Variants in VIPAS39 observed in about 807,000 individuals in gnomAD.
VIPAS39 encodes VPS33B interacting protein, apical-basolateral polarity regulator, spe-39 homolog, also known as spermatogenesis-defective protein 39 homolog.
Under a neutral mutation model 84.7 loss-of-function variants are expected in VIPAS39, and 63 were observed. That is an observed-to-expected ratio of 0.74 (90% confidence interval 0.61 to 0.92). The LOEUF is 0.92. Among genes scored for constraint, VIPAS39 ranks in the 40% least tolerant of loss-of-function variants. The probability of loss-of-function intolerance (pLI) is 0.00; values close to 1 mark genes in which losing one functional copy is unlikely to be tolerated. For missense variants in VIPAS39, 499 were observed against 604.5 expected (o/e 0.83, Z 1.83); for synonymous variants, 192 against 216.5 (o/e 0.89, Z 0.99).
At chr14:77,443,619 G>A (rs2078737135) in intron 8 of VIPAS39, among the ~76,000 whole-genome samples, 1 of 152,106 alleles carries the variant, frequency 6.6e-6, no homozygotes, top group African/African-American at 2.4e-5. Flanking sequence ...GCAAGGCCAA[G>A]CGTGGTAGCT....
In VIPAS39 at chr14:77,451,269, CTGT is replaced by C; in HGVS notation, c.258_260del (p.Gln87del). On this transcript the variant is annotated inframe_deletion, in exon 4 of 20. Coordinates refer to ENST00000557658, the MANE Select transcript of VIPAS39 (RefSeq NM_001193315.2). ...AGGAGAAGCTGTTTCGGCTCTTTAG[CTGT>C]TCACGCCCCTCGTGGGTTGAGCCGC... 2 of 1,614,218 alleles carry C rather than the reference CTGT, an allele frequency of 1.2e-6. No homozygotes were observed. Among genetic ancestry groups the C allele is most frequent in the Non-Finnish European group, 1.7e-6 (2 of 1,180,034 alleles).
chr14:77,454,142 C>G, intron 1 of VIPAS39, 40 bp from the exon 2 acceptor site: 3 of 1,591,984 alleles, frequency 1.9e-6, no homozygotes, highest in Non-Finnish European at 2.6e-6. Flanking sequence ...CTTTCTGGGT[C>G]TCTCCCTAAA....
In VIPAS39 at chr14:77,449,596, AG is replaced by A. The variant is rs2078850600; in HGVS notation, c.382+117del. On this transcript the variant is annotated intron_variant, in intron 5 of 19. Transcript: ENST00000557658. ...ATCAGAAAATTCCTCTAATAATGAC[AG>A]TAGATGCAGAAGAAAGTTCATCTTG... The A allele has an allele frequency of 2.1e-5, 30 of 1,400,564 alleles. No homozygotes were observed. In the South Asian group the frequency reaches 3.5e-4, roughly 16 times the overall value. The allele number at this position is 1,400,564 out of a possible 1,614,324, so 86.8% of individuals were successfully genotyped here.
At chr14:77,433,348 A>G (rs2078553680) in intron 16 of VIPAS39, among the ~76,000 whole-genome samples, 1 of 152,156 alleles carries the variant, frequency 6.6e-6, no homozygotes, top group East Asian at 1.9e-4. Context: ...TTACAGGTGC[A>G]CACCACCACA....
intron 4 of VIPAS39, 85 bp from the exon 5 acceptor site, chr14:77,449,837 A>G (rs1438035421): frequency 9.7e-6 from 14 of 1,439,392 alleles, no homozygotes; most frequent in Non-Finnish European, 1.4e-5. Flanking sequence ...ATGTGTAACC[A>G]ACTCAATAAC....
At chr14:77,443,005 T>C (rs2078726834) in intron 9 of VIPAS39, 114 bp downstream of exon 9, 2 of 1,439,986 alleles carry the variant, frequency 1.4e-6, no homozygotes, top group Non-Finnish European at 9.7e-7. Context: ...GCCACCCCAC[T>C]TGTCTCTGAA....
intron 10 of VIPAS39, among the ~76,000 whole-genome samples, chr14:77,442,210 C>G (rs1465561920): frequency 6.6e-6 from 1 of 152,126 alleles, no homozygotes; most frequent in Non-Finnish European, 1.5e-5. Flanking sequence ...ACATACTAGC[C>G]CTTCATCTTC....
At chr14:77,433,732 T>C in intron 16 of VIPAS39, 110 bp downstream of exon 16, 4 of 1,114,688 alleles carry the variant, frequency 3.6e-6, no homozygotes, top group African/African-American at 1.6e-5. Flanking sequence ...GTTTGAAATT[T>C]TGGAAAATAA....
In VIPAS39 at chr14:77,457,557, C is replaced by T. The variant is rs2078982329; in HGVS notation, c.-63G>A. The T allele has an allele frequency of 4.7e-6, 3 of 643,296 alleles. No homozygotes were observed. Among genetic ancestry groups the T allele is most frequent in the Non-Finnish European group, 8.0e-6 (3 of 373,892 alleles). 39.8% of individuals were successfully genotyped at this position (643,296 alleles called of 1,614,324 possible). A position where few individuals can be genotyped will look rare whatever the true frequency, so the allele number is the denominator to read the frequency against. On this transcript the variant is annotated 5_prime_UTR_variant, in exon 1 of 20. Transcript: ENST00000557658. ...AGCCTCCGCCGCCGCTGGACCAGCC[C>T]TTCTATTCAGGCTGTGCAGCTTAGA...
intron 14 of VIPAS39, chr14:77,435,039 T>G (rs2078585223): frequency 3.3e-6 from 2 of 612,794 alleles, no homozygotes; most frequent in African/African-American, 1.9e-5. Flanking sequence ...CTTGCTATGC[T>G]AGCATGCCAG....
Position 77,437,887 on chromosome 14 carries a change from A to G in VIPAS39, c.763-6T>C. The stretch of plus-strand genomic sequence containing the variant: ...TGCTCTCGATAATGAGATAGCTACA[A>G]AAAGCAGAAAAAGGCTTTGAGGTAT... On this transcript the variant is annotated splice_polypyrimidine_tract_variant and splice_region_variant and intron_variant, in intron 11 of 19. Transcript: ENST00000557658. 1 of 1,614,074 alleles carries G rather than the reference A, an allele frequency of 6.2e-7. No homozygotes were observed. Among genetic ancestry groups the G allele is most frequent in the Non-Finnish European group, 8.5e-7 (1 of 1,179,936 alleles).
intron 12 of VIPAS39, among the ~76,000 whole-genome samples, chr14:77,436,659 G>A (rs1174472460): frequency 1.3e-5 from 2 of 152,086 alleles, no homozygotes; most frequent in Admixed American, 6.6e-5. Flanking sequence ...TCGCCAGGAC[G>A]GTCTTGATCT....
rs1203028426 is a variant in VIPAS39, at chr14:77,457,312, G to C, written c.-1+183C>G. The C allele has an allele frequency of 3.9e-6, 6 of 1,535,556 alleles. No individual in the cohort carries two copies. In the East Asian group the frequency reaches 1.2e-4, roughly 31 times the overall value. Reference sequence around the variant, plus strand: ...GTCCGCTTCCGAACCAATCGCTGGTGCTCACTCGCAGCCCCAGTCCCAAGC... The same window carrying C: ...GTCCGCTTCCGAACCAATCGCTGGTCCTCACTCGCAGCCCCAGTCCCAAGC... On this transcript the variant is annotated intron_variant, in intron 1 of 19. Transcript: ENST00000557658.
intron 13 of VIPAS39, 142 bp downstream of exon 13, chr14:77,435,702 G>T: frequency 3.2e-6 from 3 of 944,160 alleles, no homozygotes; most frequent in Admixed American, 3.9e-5. Flanking sequence ...GAGGAAGGGG[G>T]CTATTGTGTA....
At position 77,427,628 on chromosome 14, in the gene VIPAS39, T is replaced by C. The variant is rs201506856; in HGVS notation, c.1470A>G (p.Arg490=). 8 of 1,614,010 alleles carry C rather than the reference T, an allele frequency of 5.0e-6. No homozygotes were observed. The highest frequency in any genetic ancestry group is 6.8e-6 in the Non-Finnish European group (8 of 1,180,034). Residue 490 remains arginine (R), a synonymous_variant, in exon 20 of 20, where the codon CGA becomes CGG. Transcript: ENST00000557658. Reference sequence around the variant, plus strand: ...TAGTCAATGCCACTTAATTCTTCCATCGAATTTGCTGTGGAAAGAGGAAAC... The same window carrying C: ...TAGTCAATGCCACTTAATTCTTCCACCGAATTTGCTGTGGAAAGAGGAAAC... The part of the protein sequence containing the change: ...IDALLSSSQI[R]WKN
intron 18 of VIPAS39, 83 bp from the exon 19 acceptor site, chr14:77,428,557 G>C: frequency 8.4e-7 from 1 of 1,195,366 alleles, no homozygotes; most frequent in South Asian, 1.3e-5. Flanking sequence ...CAAACTCCTG[G>C]GCTCAAGCAA....
rs1179418430 is a variant in VIPAS39, at chr14:77,449,187, G to A, written c.447+106C>T. On this transcript the variant is annotated intron_variant, in intron 6 of 19. Coordinates refer to ENST00000557658, the MANE Select transcript of VIPAS39 (RefSeq NM_001193315.2). ...CCAGTTTTCTAATCTATAAAACAGG[G>A]TTAAAAAAATATCTACTCAAATAGT... 6.9e-6 allele frequency: 9 copies of A among 1,297,284 alleles called. No individual in the cohort carries two copies. In the East Asian group the frequency reaches 1.6e-4, roughly 23 times the overall value. The allele number at this position is 1,297,284 out of a possible 1,614,324, so 80.4% of individuals were successfully genotyped here. A position where few individuals can be genotyped will look rare whatever the true frequency, so the allele number is the denominator to read the frequency against.
intron 6 of VIPAS39, 42 bp downstream of exon 6, chr14:77,449,251 T>C (rs1298061222): frequency 6.3e-7 from 1 of 1,589,142 alleles, no homozygotes; most frequent in African/African-American, 1.3e-5. Context: ...CAAGGTACTT[T>C]ATACTGTGGA....
chr14:77,430,900 T>C (rs1453643873), intron 16 of VIPAS39, among the ~76,000 whole-genome samples: 2 of 152,176 alleles, frequency 1.3e-5, no homozygotes, highest in African/African-American at 2.4e-5. Context: ...TATGGTCAGC[T>C]AATTTTCAAC....
Sources: gnomAD v4.1 joint callset for allele counts (sites outside exome capture counted in the v4.1 genomes callset) on GRCh38, gnomAD v4.1.1 for gene constraint, MANE v1.5 for transcripts, NCBI Gene and HGNC (gene_info 2026-07-23, HGNC 2026-07-21) for gene names.